The following ASIC2 variants were observed in gnomAD, a reference collection of about 807,000 sequenced individuals.
ASIC2 encodes the protein acid-sensing ion channel 2.
A neutral mutation model predicts 57.3 loss-of-function variants in ASIC2; 25 were observed. The observed-to-expected ratio is 0.44, with a 90% CI of 0.32 to 0.61. The LOEUF is 0.61. ASIC2 is among the 20% of genes least tolerant of loss of function. The probability of loss-of-function intolerance (pLI) is 0.06; values close to 1 mark genes in which losing one functional copy is unlikely to be tolerated. For missense variants in ASIC2, 641 were observed against 738.1 expected (o/e 0.87, Z 1.52); for synonymous variants, 319 against 307.5 (o/e 1.04, Z -0.39).
intron 1 of ASIC2, among the ~76,000 whole-genome samples, chr17:33,371,570 G>A (rs1026471246): frequency 2.6e-5 from 4 of 152,192 alleles, no homozygotes; most frequent in African/African-American, 9.7e-5. Flanking sequence ...TCATCTGTGT[G>A]ACGTAGTCTT....
chr17:33,772,452 G>C (rs950467763), intron 1 of ASIC2, among the ~76,000 whole-genome samples: 7 of 152,202 alleles, frequency 4.6e-5, no homozygotes, highest in African/African-American at 1.4e-4. Context: ...AAAGGCTCCT[G>C]TGTTACACAT....
chr17:33,815,769 C>T (rs1199706478), intron 1 of ASIC2, among the ~76,000 whole-genome samples: 1 of 152,170 alleles, frequency 6.6e-6, no homozygotes, highest in Non-Finnish European at 1.5e-5. Flanking sequence ...ATTAGAAATA[C>T]TAGAGCTGGA....
At chr17:33,321,996 C>T (rs9893402) in intron 1 of ASIC2, among the ~76,000 whole-genome samples, 27,248 of 152,166 alleles carry the variant, frequency 0.18, 2,525 homozygotes, top group East Asian at 0.37. Flanking sequence ...TCCCTGTCAG[C>T]TGTCTGGATC....
intron 1 of ASIC2, among the ~76,000 whole-genome samples, chr17:33,548,310 G>T (rs1397431928): frequency 1.3e-5 from 2 of 152,194 alleles, no homozygotes; most frequent in Non-Finnish European, 2.9e-5. Flanking sequence ...AATATAGTTT[G>T]TTGAAATGCA....
At position 33,368,520 on chromosome 17, in the gene ASIC2, G is replaced by A. The variant is rs574904331; in HGVS notation, c.556-256453C>T. On this transcript the variant is annotated intron_variant, in intron 1 of 9. Transcript: ENST00000359872. ...GAGGGCATGAGTTTAATAGATGGTT[G>A]TCTTACACCACTGGATTTTGGGGAA... Among the ~76,000 whole-genome samples, 118 of 152,308 alleles carry A rather than the reference G, an allele frequency of 7.7e-4. 1 individual carries two copies. Among genetic ancestry groups the A allele is most frequent in the South Asian group, 5.0e-3 (24 of 4,826 alleles).
chr17:33,029,397 A>G (rs2141904554), intron 3 of ASIC2, among the ~76,000 whole-genome samples: 1 of 152,298 alleles, frequency 6.6e-6, no homozygotes, highest in Middle Eastern at 3.4e-3. Flanking sequence ...TTTTGCATCT[A>G]GCTTCTTTCA....
intron 2 of ASIC2, among the ~76,000 whole-genome samples, chr17:33,095,170 T>C (rs1222379137): frequency 6.6e-6 from 1 of 152,154 alleles, no homozygotes. Flanking sequence ...ATGAATTCAG[T>C]ATTTCTGGCT....
chr17:33,735,707 T>C (rs1909891377), intron 1 of ASIC2, among the ~76,000 whole-genome samples: 1 of 152,102 alleles, frequency 6.6e-6, no homozygotes, highest in Non-Finnish European at 1.5e-5. Context: ...CAACAGCGGC[T>C]ACCCACCTCC....
intron 1 of ASIC2, among the ~76,000 whole-genome samples, chr17:34,026,421 TGGA>T (rs961785722): frequency 1.3e-5 from 2 of 152,152 alleles, no homozygotes; most frequent in Non-Finnish European, 1.5e-5. Context: ...TTGGAAATGA[TGGA>T]GGAGAAACAG....
intron 1 of ASIC2, among the ~76,000 whole-genome samples, chr17:34,082,479 G>A (rs371423669): frequency 1.3e-5 from 2 of 152,096 alleles, no homozygotes; most frequent in Admixed American, 6.6e-5. Context: ...TCCTTTAAAC[G>A]GAATAAACTC....
intron 1 of ASIC2, among the ~76,000 whole-genome samples, chr17:33,154,437 G>C (rs1904918521): frequency 6.6e-6 from 1 of 152,164 alleles, no homozygotes; most frequent in African/African-American, 2.4e-5. Flanking sequence ...CCCCCTTAAT[G>C]CTTCCCCAAC....
chr17:33,034,209 A>T (rs1334048977), intron 3 of ASIC2, among the ~76,000 whole-genome samples: 2 of 151,856 alleles, frequency 1.3e-5, no homozygotes, highest in African/African-American at 4.8e-5. Context: ...TTCTCCCTTC[A>T]CTTGTCTGCA....
intron 1 of ASIC2, among the ~76,000 whole-genome samples, chr17:33,341,366 C>T (rs369197996): frequency 6.4e-4 from 97 of 152,306 alleles, no homozygotes; most frequent in African/African-American, 2.2e-3. Context: ...TCATCCAATC[C>T]AAGCCACTTT....
intron 1 of ASIC2, among the ~76,000 whole-genome samples, chr17:33,689,788 A>G (rs1264032925): frequency 6.6e-6 from 1 of 152,254 alleles, no homozygotes; most frequent in African/African-American, 2.4e-5. Context: ...CTTCAGTGCC[A>G]GAAGAGAAGA....
At chr17:33,629,333 AATT>A (rs1567673775) in intron 1 of ASIC2, among the ~76,000 whole-genome samples, 1 of 376 alleles carries the variant, frequency 2.7e-3, no homozygotes, top group Non-Finnish European at 5.0e-3. Flanking sequence ...GGCACTTAGG[AATT>A]AATTGTCTGA....
chr17:33,283,602 A>C (rs1265805982), intron 1 of ASIC2, among the ~76,000 whole-genome samples: 1 of 152,174 alleles, frequency 6.6e-6, no homozygotes, highest in African/African-American at 2.4e-5. Flanking sequence ...GTGAAATCTC[A>C]AACCGACACT....
intron 1 of ASIC2, among the ~76,000 whole-genome samples, chr17:34,115,895 T>C (rs746465668): frequency 7.9e-5 from 12 of 152,178 alleles, no homozygotes; most frequent in Non-Finnish European, 1.5e-4. Flanking sequence ...CAAACACATA[T>C]AACAATTTTA....
intron 1 of ASIC2, among the ~76,000 whole-genome samples, chr17:33,184,437 C>T (rs117465569): frequency 0.015 from 2,250 of 152,216 alleles, 29 homozygotes; most frequent in Non-Finnish European, 0.025. Flanking sequence ...GGACCCAGCC[C>T]CCAGCCTTAT....
At chr17:33,450,808 A>G (rs1218518924) in intron 1 of ASIC2, among the ~76,000 whole-genome samples, 1 of 152,168 alleles carries the variant, frequency 6.6e-6, no homozygotes, top group Non-Finnish European at 1.5e-5. Context: ...TGTACCCCTC[A>G]GTCATCACTG....
Sources: gnomAD v4.1 joint callset for allele counts (sites outside exome capture counted in the v4.1 genomes callset) on GRCh38, gnomAD v4.1.1 for gene constraint, MANE v1.5 for transcripts, NCBI Gene and HGNC (gene_info 2026-07-23, HGNC 2026-07-21) for gene names.